The following FAM107B variants were observed in gnomAD, a reference collection of about 807,000 sequenced individuals.
The protein encoded by FAM107B is family with sequence similarity 107 member B, also known as protein FAM107B.
Under a neutral mutation model 31.5 loss-of-function variants are expected in FAM107B, and 21 were observed. The ratio of observed to expected loss-of-function variants is 0.67; its 90% CI spans 0.47 to 0.96. FAM107B has a LOEUF of 0.96. FAM107B is among the 40% of genes least tolerant of loss of function. The pLI is 0.00. For missense variants in FAM107B, 452 were observed against 377.1 expected (o/e 1.20, Z -1.64); for synonymous variants, 157 against 141.5 (o/e 1.11, Z -0.78).
chr10:14,719,811 C>G (rs896856070), intron 1 of FAM107B, among the ~76,000 whole-genome samples: 7 of 141,580 alleles, frequency 4.9e-5, no homozygotes, highest in African/African-American at 1.7e-4. Flanking sequence ...CCCTCTCATC[C>G]AAAGGGTGGG....
intron 2 of FAM107B, among the ~76,000 whole-genome samples, chr10:14,551,359 G>A (rs927498037): frequency 6.6e-6 from 1 of 152,088 alleles, no homozygotes; most frequent in African/African-American, 2.4e-5. Flanking sequence ...TGGCCAGGCT[G>A]GTCTTAAACT....
intron 1 of FAM107B, among the ~76,000 whole-genome samples, chr10:14,754,057 T>C (rs1241417461): frequency 6.6e-6 from 1 of 150,856 alleles, no homozygotes; most frequent in African/African-American, 2.4e-5. Flanking sequence ...TCCCCACTCA[T>C]CCTCCCTAGC....
chr10:14,595,512 G>A (rs112213672), intron 2 of FAM107B, among the ~76,000 whole-genome samples: 19,488 of 138,022 alleles, frequency 0.14, 1,508 homozygotes, highest in South Asian at 0.22. Flanking sequence ...TGCAACCTCC[G>A]CCTCCTGAGT....
intron 1 of FAM107B, among the ~76,000 whole-genome samples, chr10:14,691,918 T>C (rs1408811222): frequency 7.4e-6 from 1 of 135,968 alleles, no homozygotes; most frequent in Non-Finnish European, 1.6e-5. Context: ...AAAATTAAAC[T>C]AGGAGTAGGC....
intron 1 of FAM107B, among the ~76,000 whole-genome samples, chr10:14,708,732 T>C (rs1479323390): frequency 6.6e-6 from 1 of 152,166 alleles, no homozygotes; most frequent in African/African-American, 2.4e-5. Flanking sequence ...AGCACATAGC[T>C]GATAAAGGAT....
chr10:14,729,293 C>T (rs1407484705), intron 1 of FAM107B, among the ~76,000 whole-genome samples: 1 of 152,140 alleles, frequency 6.6e-6, no homozygotes, highest in African/African-American at 2.4e-5. Flanking sequence ...GCTACCGCAC[C>T]TGATCAAGTT....
intron 2 of FAM107B, among the ~76,000 whole-genome samples, chr10:14,584,550 TC>T (rs1851761560): frequency 6.6e-6 from 1 of 151,982 alleles, no homozygotes; most frequent in African/African-American, 2.4e-5. Flanking sequence ...GTGCATCAAC[TC>T]CTCCCAAAAG....
intron 2 of FAM107B, among the ~76,000 whole-genome samples, chr10:14,629,652 A>G (rs1853301434): frequency 6.7e-6 from 1 of 148,634 alleles, no homozygotes; most frequent in Non-Finnish European, 1.5e-5. Flanking sequence ...AGCTGGGACT[A>G]CAGGCACCCA....
rs142083138 is a variant in FAM107B at position 14,636,372 on chromosome 10, C to T, written c.469+31262G>A. Among the ~76,000 whole-genome samples the T allele has an allele frequency of 2.9e-3, 439 of 150,446 alleles. 3 individuals carry two copies. Among genetic ancestry groups the T allele is most frequent in the African/African-American group, 0.01 (418 of 41,016 alleles). On this transcript the variant is annotated intron_variant, in intron 2 of 4. Transcript: ENST00000181796. ...TGTCTACTTCTATGTGCACATAAAA[C>T]TAAATGTATACGTTCTGCCTGTTGT...
At chr10:14,701,858 C>T (rs2131525050) in intron 1 of FAM107B, among the ~76,000 whole-genome samples, 1 of 152,280 alleles carries the variant, frequency 6.6e-6, no homozygotes, top group African/African-American at 2.4e-5. Context: ...GAACCTGGAG[C>T]AGGGCTGGAG....
chr10:14,628,204 C>A (rs577850567), intron 2 of FAM107B, among the ~76,000 whole-genome samples: 12 of 148,058 alleles, frequency 8.1e-5, no homozygotes, highest in African/African-American at 2.5e-4. Flanking sequence ...GCAACCTCCC[C>A]CTCCTGGGTT....
chr10:14,621,886 A>G lies in FAM107B; in HGVS notation c.469+45748T>C, dbSNP rs147029472. Among the ~76,000 whole-genome samples, 6 of 152,368 alleles carry G rather than the reference A, an allele frequency of 3.9e-5. No individual in the cohort carries two copies. The East Asian group carries it at 1.2e-3, about 29-fold the overall frequency. Reference sequence around the variant, plus strand: ...AGAGTAAAAAAAAATGTACAGAAGTACCTTGCAGTTAAGAGAGGGTCTGCC... The same window carrying G: ...AGAGTAAAAAAAAATGTACAGAAGTGCCTTGCAGTTAAGAGAGGGTCTGCC... On this transcript the variant is annotated intron_variant, in intron 2 of 4. Coordinates refer to ENST00000181796, the MANE Select transcript of FAM107B (RefSeq NM_031453.4).
intron 2 of FAM107B, among the ~76,000 whole-genome samples, chr10:14,598,704 G>A (rs1205039138): frequency 6.6e-6 from 1 of 152,112 alleles, no homozygotes; most frequent in African/African-American, 2.4e-5. Flanking sequence ...CATGTTAAGT[G>A]CTCTTATCGC....
At chr10:14,710,843 A>G (rs1855629206) in intron 1 of FAM107B, among the ~76,000 whole-genome samples, 1 of 152,216 alleles carries the variant, frequency 6.6e-6, no homozygotes, top group Admixed American at 6.5e-5. Context: ...ATAAAACAGT[A>G]AAGAAGTTGA....
intron 1 of FAM107B, among the ~76,000 whole-genome samples, chr10:14,692,250 C>CCTGGG (rs1014671099): frequency 6.6e-6 from 1 of 152,106 alleles, no homozygotes; most frequent in African/African-American, 2.4e-5. Flanking sequence ...AAGGCGTACC[C>CCTGGG]CTGGGGCACA....
chr10:14,608,642 A>T (rs1463671758), intron 2 of FAM107B, among the ~76,000 whole-genome samples: 1 of 152,164 alleles, frequency 6.6e-6, no homozygotes, highest in Non-Finnish European at 1.5e-5. Flanking sequence ...TCCTCACACA[A>T]CAGCCCCGTC....
At chr10:14,728,280 C>T (rs1856082121) in intron 1 of FAM107B, among the ~76,000 whole-genome samples, 1 of 151,820 alleles carries the variant, frequency 6.6e-6, no homozygotes, top group Admixed American at 6.6e-5. Flanking sequence ...TGAAAAATAG[C>T]CAGCAACGAT....
intron 1 of FAM107B, among the ~76,000 whole-genome samples, chr10:14,685,224 C>T (rs1854954507): frequency 6.6e-6 from 1 of 150,892 alleles, no homozygotes; most frequent in South Asian, 2.1e-4. Flanking sequence ...TCAGAGCTCA[C>T]CGCAACCTCC....
At chr10:14,696,840 G>T (rs1286707693) in intron 1 of FAM107B, among the ~76,000 whole-genome samples, 5 of 152,182 alleles carry the variant, frequency 3.3e-5, no homozygotes, top group Non-Finnish European at 7.3e-5. Flanking sequence ...CAGACCCCGA[G>T]GTCCCGTAGG....
Sources: allele counts gnomAD v4.1 joint callset (sites outside exome capture counted in the v4.1 genomes callset), GRCh38; gene constraint gnomAD v4.1.1; transcripts MANE v1.5; gene names NCBI Gene and HGNC (gene_info 2026-07-23, HGNC 2026-07-21).